CEP76: variants seen among roughly 807,000 people sequenced by gnomAD.
The protein encoded by CEP76 is centrosomal protein of 76 kDa.
Under a neutral mutation model 83.3 loss-of-function variants are expected in CEP76, and 55 were observed. The observed-to-expected ratio is 0.66, with a 90% CI of 0.53 to 0.83. CEP76 has a LOEUF of 0.83. CEP76 is among the 40% of genes least tolerant of loss of function. The pLI is 0.00. For missense variants in CEP76, 694 were observed against 799.5 expected (o/e 0.87, Z 1.59); for synonymous variants, 270 against 274.5 (o/e 0.98, Z 0.16).
At chr18:12,664,089 G>A (rs1001987263) in intron 12 of CEP76, among the ~76,000 whole-genome samples, 1 of 152,144 alleles carries the variant, frequency 6.6e-6, no homozygotes, top group African/African-American at 2.4e-5. Flanking sequence ...GCTTGAACCC[G>A]GAGGGGCGGT....
At chr18:12,677,411 C>G (rs892130500) in intron 10 of CEP76, among the ~76,000 whole-genome samples, 1 of 137,330 alleles carries the variant, frequency 7.3e-6, no homozygotes, top group African/African-American at 2.7e-5. Context: ...GTGCCAAGAT[C>G]ACGCCACTGC....
Position 12,702,353 on chromosome 18 carries a change from C to T in CEP76, c.63+133G>A, listed in dbSNP as rs150907644. The T allele has an allele frequency of 4.0e-4, 271 of 684,782 alleles. 1 individual carries two copies. The East Asian group carries it at 7.2e-3, about 18-fold the overall frequency. The allele number at this position is 684,782 out of a possible 1,614,324, so 42.4% of individuals were successfully genotyped here. A position where few individuals can be genotyped will look rare whatever the true frequency, so the allele number is the denominator to read the frequency against. ...TGCCTCAAACTCAAAGCTCTGCCTA[C>T]TCTGCGTTGCGCACCCCACAATCCT... On this transcript the variant is annotated intron_variant, in intron 1 of 11. Transcript: ENST00000262127.
chr18:12,677,734 T>C (rs908232237), intron 10 of CEP76, among the ~76,000 whole-genome samples: 5 of 152,126 alleles, frequency 3.3e-5, no homozygotes, highest in Non-Finnish European at 7.4e-5. Context: ...GCTGGGGTTA[T>C]AGGCATGAGC....
At chr18:12,701,365 T>C (rs1376335065) in intron 1 of CEP76, among the ~76,000 whole-genome samples, 1 of 151,844 alleles carries the variant, frequency 6.6e-6, no homozygotes, top group African/African-American at 2.4e-5. Flanking sequence ...TGAGAGGGAG[T>C]ATAGTATAAT....
At chr18:12,671,477 G>A (rs573242994), downstream of CEP76, among the ~76,000 whole-genome samples, 4 of 152,026 alleles carry the variant, frequency 2.6e-5, no homozygotes, top group South Asian at 8.3e-4. Flanking sequence ...AAAGAACTAT[G>A]CACAGAAGTG....
At chr18:12,664,441 T>C (rs1324423799) in intron 12 of CEP76, among the ~76,000 whole-genome samples, 1 of 151,806 alleles carries the variant, frequency 6.6e-6, no homozygotes, top group African/African-American at 2.4e-5. Context: ...TCCCAGCTAC[T>C]CAGGAGGCTG....
intron 3 of CEP76, 51 bp downstream of exon 3, chr18:12,699,779 C>T (rs1568034309): frequency 5.8e-6 from 6 of 1,030,878 alleles, no homozygotes; most frequent in Admixed American, 2.5e-5. Context: ...GACTACACCA[C>T]ATCAATATTT....
chr18:12,684,140 T>C (rs1484583288), intron 8 of CEP76, among the ~76,000 whole-genome samples: 3 of 151,854 alleles, frequency 2.0e-5, no homozygotes, highest in Admixed American at 6.6e-5. Flanking sequence ...TTCTCCTTTT[T>C]TTGTGTTTTT....
chr18:12,688,366 A>G (rs2039624877), intron 7 of CEP76, among the ~76,000 whole-genome samples: 1 of 152,200 alleles, frequency 6.6e-6, no homozygotes, highest in African/African-American at 2.4e-5. Flanking sequence ...ACCAGCTAAC[A>G]AAGGGTAAAA....
In CEP76 at chr18:12,673,352, A is replaced by G. The variant is rs370732827; in HGVS notation, c.*13T>C. 49 of 1,596,026 alleles carry G rather than the reference A, an allele frequency of 3.1e-5. No individual in the cohort carries two copies. The highest frequency in any genetic ancestry group is 3.0e-4 in the African/African-American group (22 of 73,386). Reference sequence around the variant, plus strand: ...AATTAAACACAGGTATAAATCTTATATAAATATTGGCCCTATAATACCGAG... The same window carrying G: ...AATTAAACACAGGTATAAATCTTATGTAAATATTGGCCCTATAATACCGAG... On this transcript the variant is annotated 3_prime_UTR_variant, in exon 12 of 12. Transcript: ENST00000262127.
intron 10 of CEP76, among the ~76,000 whole-genome samples, chr18:12,677,458 C>CAAAA (rs71174127): frequency 3.7e-5 from 2 of 53,948 alleles, no homozygotes; most frequent in African/African-American, 1.7e-4. Flanking sequence ...GATTCCATCT[C>CAAAA]AAAAAAAAAA....
chr18:12,687,338 A>T (rs1332895843), intron 7 of CEP76, among the ~76,000 whole-genome samples: 1 of 152,256 alleles, frequency 6.6e-6, no homozygotes, highest in Non-Finnish European at 1.5e-5. Flanking sequence ...CAAGGAAAAA[A>T]AAACTCACTT....
downstream of CEP76, among the ~76,000 whole-genome samples, chr18:12,672,214 A>C (rs563027422): frequency 6.6e-6 from 1 of 151,622 alleles, no homozygotes; most frequent in Admixed American, 6.6e-5. Flanking sequence ...TCCCAGGTTC[A>C]AGCGATTCTC....
chr18:12,701,241 AAGCT>A (rs2040139804), intron 1 of CEP76, 128 bp from the exon 2 acceptor site: 5 of 645,438 alleles, frequency 7.7e-6, no homozygotes, highest in African/African-American at 1.8e-5. Context: ...GAACAAAGGT[AAGCT>A]TTTAAAGAAT....
chr18:12,671,827 A>C (rs2038954702), downstream of CEP76, among the ~76,000 whole-genome samples: 2 of 151,742 alleles, frequency 1.3e-5, no homozygotes, highest in Admixed American at 1.3e-4. Context: ...ACTTATAAAA[A>C]ACATTTTTTT....
downstream of CEP76, among the ~76,000 whole-genome samples, chr18:12,668,306 T>C (rs1323115132): frequency 6.6e-6 from 1 of 150,686 alleles, no homozygotes; most frequent in East Asian, 2.0e-4. Flanking sequence ...AAAAAGTGGA[T>C]GGAGGCTGGG....
intron 9 of CEP76, among the ~76,000 whole-genome samples, chr18:12,679,837 T>C (rs1283264739): frequency 6.6e-6 from 1 of 151,882 alleles, no homozygotes; most frequent in Non-Finnish European, 1.5e-5. Flanking sequence ...CCGTGGCAGG[T>C]AGACTGCTTG....
chr18:12,695,861 C>A (rs908346410), intron 5 of CEP76, among the ~76,000 whole-genome samples: 9 of 147,774 alleles, frequency 6.1e-5, no homozygotes, highest in Non-Finnish European at 8.9e-5. Flanking sequence ...TCCACACACA[C>A]ACACACACAC....
intron 5 of CEP76, among the ~76,000 whole-genome samples, chr18:12,696,713 T>C (rs959154642): frequency 6.6e-6 from 1 of 152,112 alleles, no homozygotes; most frequent in African/African-American, 2.4e-5. Context: ...ATAAATAAGA[T>C]AGGCACCAGC....
Sources: allele counts gnomAD v4.1 joint callset (sites outside exome capture counted in the v4.1 genomes callset), GRCh38; gene constraint gnomAD v4.1.1; transcripts MANE v1.5; gene names NCBI Gene and HGNC (gene_info 2026-07-23, HGNC 2026-07-21).